The following SLCO3A1 variants were observed in gnomAD, a reference collection of about 807,000 sequenced individuals.
The protein encoded by SLCO3A1 is PGE1 transporter.
A neutral mutation model predicts 63.1 loss-of-function variants in SLCO3A1; 27 were observed. The ratio of observed to expected loss-of-function variants is 0.43; its 90% CI spans 0.32 to 0.59. The LOEUF (loss-of-function observed/expected upper bound fraction) is 0.59, where lower values mean the gene tolerates loss of function less well. Ranked by LOEUF, SLCO3A1 falls within the 20% of genes least tolerant of loss-of-function variation. The pLI is 0.09. For missense variants in SLCO3A1, 773 were observed against 945.8 expected, an observed-to-expected ratio of 0.82 and a Z score of 2.40; for synonymous variants, 473 against 409.9, an observed-to-expected ratio of 1.15 and a Z score of -1.86.
intron 2 of SLCO3A1, among the ~76,000 whole-genome samples, chr15:92,040,103 G>C: frequency 6.6e-6 from 1 of 152,102 alleles, no homozygotes; most frequent in African/African-American, 2.4e-5. Context: ...TGCATGTGGG[G>C]CTTAAAACCT....
intron 2 of SLCO3A1, among the ~76,000 whole-genome samples, chr15:92,000,834 G>A (rs1382357375): frequency 6.6e-6 from 1 of 152,152 alleles, no homozygotes; most frequent in African/African-American, 2.4e-5. Flanking sequence ...GTGCACACAC[G>A]CTTGTACGCT....
rs1188728434 is a variant in SLCO3A1 at position 91,948,379 on chromosome 15, T to C, written c.646+31921T>C. Among the ~76,000 whole-genome samples the C allele has an allele frequency of 1.3e-5, 2 of 152,184 alleles. No individual in the cohort carries two copies. Reference sequence around the variant, plus strand: ...GTTGCCAAGTTTAGAAGTGGCCGCATGTGTGGTGCCAGCCACAGCATCCTA... The same window carrying C: ...GTTGCCAAGTTTAGAAGTGGCCGCACGTGTGGTGCCAGCCACAGCATCCTA... On this transcript the variant is annotated intron_variant, in intron 2 of 9. Transcript: ENST00000318445. This position sits in a 1 kb window ranked among gnomAD's most constrained non-coding sequence, Gnocchi z 4.8.
rs58509094 is a variant in SLCO3A1 at position 91,921,689 on chromosome 15, A to G, written c.646+5231A>G. Among the ~76,000 whole-genome samples, 1,294 of 151,440 alleles carry G rather than the reference A, an allele frequency of 8.5e-3. 18 individuals are homozygous for G. The highest frequency in any genetic ancestry group is 0.03 in the African/African-American group (1,230 of 41,318). On this transcript the variant is annotated intron_variant, in intron 2 of 9. Coordinates refer to ENST00000318445, the MANE Select transcript of SLCO3A1 (RefSeq NM_013272.4). ...ACAGTAGCAAAACCAGGAAGTTAACATTGCTGTGATCCATAAAATTTATTC... is the reference window on the plus strand; with the variant it reads ...ACAGTAGCAAAACCAGGAAGTTAACGTTGCTGTGATCCATAAAATTTATTC...
Position 91,868,830 on chromosome 15 carries a change from T to C in SLCO3A1, c.180+14742T>C, listed in dbSNP as rs931609045. Among the ~76,000 whole-genome samples the C allele has an allele frequency of 2.0e-5, 3 of 152,354 alleles. No homozygotes were observed. The South Asian group carries it at 6.2e-4, about 32-fold the overall frequency. On this transcript the variant is annotated intron_variant, in intron 1 of 9. Coordinates refer to ENST00000318445, the MANE Select transcript of SLCO3A1 (RefSeq NM_013272.4). ...AAAGTAATAAAATTGGATCTCACTA[T>C]AAATTCTGTTTAGGAACCTACTCTT...
chr15:92,023,078 G>C (rs1466706147), intron 2 of SLCO3A1, among the ~76,000 whole-genome samples: 1 of 152,200 alleles, frequency 6.6e-6, no homozygotes, highest in Non-Finnish European at 1.5e-5. Context: ...GCTTGTCCAA[G>C]GTTACACAAG....
intron 2 of SLCO3A1, among the ~76,000 whole-genome samples, chr15:91,966,325 A>G (rs950335739): frequency 1.3e-5 from 2 of 152,170 alleles, no homozygotes; most frequent in East Asian, 3.9e-4. Flanking sequence ...AGTGCAGACA[A>G]AGAGGTTTGT....
intron 2 of SLCO3A1, among the ~76,000 whole-genome samples, chr15:91,974,971 G>A (rs1182672738): frequency 6.6e-6 from 1 of 152,144 alleles, no homozygotes; most frequent in East Asian, 1.9e-4. Flanking sequence ...TCCTCTGTGT[G>A]CAGTCTGGGG....
intron 2 of SLCO3A1, among the ~76,000 whole-genome samples, chr15:91,932,435 T>C (rs1187090964): frequency 6.6e-6 from 1 of 152,074 alleles, no homozygotes. Context: ...ATTTTAGATA[T>C]ACCATTTTAT....
At chr15:91,951,462 T>C (rs113061187) in intron 2 of SLCO3A1, among the ~76,000 whole-genome samples, 5,181 of 152,296 alleles carry the variant, frequency 0.034, 151 homozygotes, top group Non-Finnish European at 0.053. Context: ...CATCGGTCAG[T>C]GAACATTTGG....
At chr15:91,936,879 G>T (rs1429298231) in intron 2 of SLCO3A1, among the ~76,000 whole-genome samples, 1 of 152,148 alleles carries the variant, frequency 6.6e-6, no homozygotes, top group Non-Finnish European at 1.5e-5. Context: ...TCTCTCGTAG[G>T]CACCATATGT....
chr15:92,067,308 T>C (rs1159430893), intron 2 of SLCO3A1, among the ~76,000 whole-genome samples: 5 of 152,126 alleles, frequency 3.3e-5, no homozygotes, highest in Non-Finnish European at 7.4e-5. Flanking sequence ...TTCGATCCCC[T>C]CCTCCCTCTG....
chr15:92,071,252 C>T (rs1220112342), intron 2 of SLCO3A1, among the ~76,000 whole-genome samples: 1 of 152,184 alleles, frequency 6.6e-6, no homozygotes, highest in African/African-American at 2.4e-5. Flanking sequence ...AGGCCGGTGC[C>T]TGCCAGGGAG....
At chr15:92,166,974 A>G (rs1307156468), downstream of SLCO3A1, among the ~76,000 whole-genome samples, 1 of 152,374 alleles carries the variant, frequency 6.6e-6, no homozygotes, top group South Asian at 2.1e-4. Flanking sequence ...GTGGCAAGCT[A>G]TGAAGGTCAG....
chr15:92,146,067 C>T (rs2048218042), intron 7 of SLCO3A1, among the ~76,000 whole-genome samples: 1 of 152,128 alleles, frequency 6.6e-6, no homozygotes, highest in South Asian at 2.1e-4. Flanking sequence ...GGCATGTGCT[C>T]TGAAAGCCAA....
At position 91,862,163 on chromosome 15, in the gene SLCO3A1, A is replaced by AT. The variant is rs113322295; in HGVS notation, c.180+8085dup. ...ATGAAGTCTTATTTTTTTATTTTTT[A>AT]TTTTTTTTTTGAGACAGTCTCACAC... On this transcript the variant is annotated intron_variant, in intron 1 of 9. Coordinates refer to ENST00000318445, the MANE Select transcript of SLCO3A1 (RefSeq NM_013272.4). The surrounding 1 kb of genome is among the most constrained non-coding windows in gnomAD (Gnocchi z 4.0). 6.1e-5 allele frequency among the ~76,000 whole-genome samples: 9 copies of AT among 147,574 alleles called. No homozygotes were observed. Among genetic ancestry groups the AT allele is most frequent in the East Asian group, 2.0e-4 (1 of 4,994 alleles).
chr15:92,141,597 T>C lies in SLCO3A1; in HGVS notation c.1513-5387T>C, dbSNP rs139496073. 6.5e-3 allele frequency among the ~76,000 whole-genome samples: 991 copies of C among 152,316 alleles called. 43 individuals carry two copies. The highest frequency in any genetic ancestry group is 0.056 in the Admixed American group (863 of 15,300). ...TAGGGCTTCCCATGTAGGTGCCCAG[T>C]TACTGCCAGCTGAAGGGGTATCCCC... On this transcript the variant is annotated intron_variant, in intron 7 of 9. Coordinates refer to ENST00000318445, the MANE Select transcript of SLCO3A1 (RefSeq NM_013272.4).
At chr15:92,016,262 A>ATAGATATAGATAGATAGAT (rs2046433951) in intron 2 of SLCO3A1, among the ~76,000 whole-genome samples, 4 of 112,780 alleles carry the variant, frequency 3.5e-5, no homozygotes, top group African/African-American at 1.3e-4. Context: ...GATTAGATAG[A>ATAGATATAGATAGATAGAT]TAGATAGATA....
At chr15:92,154,821 AGTAGGGCTGAGATG>A (rs938092900) in intron 9 of SLCO3A1, among the ~76,000 whole-genome samples, 20 of 152,182 alleles carry the variant, frequency 1.3e-4, no homozygotes. Flanking sequence ...TGATGATCAA[AGTAGGGCTGAGATG>A]GGAGAAAGGA....
intron 2 of SLCO3A1, among the ~76,000 whole-genome samples, chr15:91,933,531 T>TA (rs1021474502): frequency 1.3e-5 from 2 of 152,162 alleles, no homozygotes; most frequent in African/African-American, 4.8e-5. Flanking sequence ...AAAAGCATAC[T>TA]AAAAAAATCA....
Sources: allele counts gnomAD v4.1 joint callset (sites outside exome capture counted in the v4.1 genomes callset), GRCh38; gene constraint gnomAD v4.1.1; non-coding constraint Gnocchi (gnomAD v3.1); transcripts MANE v1.5; gene names NCBI Gene and HGNC (gene_info 2026-07-23, HGNC 2026-07-21).